The following FNBP1L variants were observed in gnomAD, a reference collection of about 807,000 sequenced individuals.
FNBP1L encodes formin binding protein 1 like.
In FNBP1L, 36 loss-of-function variants were observed where a neutral mutation model predicts 91.2. The observed-to-expected ratio is 0.39, with a 90% CI of 0.30 to 0.52. The LOEUF (loss-of-function observed/expected upper bound fraction) is 0.52. Ranked by LOEUF, FNBP1L falls within the 20% of genes least tolerant of loss-of-function variation. FNBP1L has a pLI of 0.66. For missense variants in FNBP1L, 571 were observed against 732.1 expected (o/e 0.78, Z 2.54); for synonymous variants, 242 against 237.0 (o/e 1.02, Z -0.19).
rs531504695 is a variant in FNBP1L at position 93,551,785 on chromosome 1, A to G, written c.1811-624A>G. The G allele has an allele frequency of 8.1e-6, 8 of 985,438 alleles. No individual in the cohort carries two copies. In the South Asian group the frequency reaches 3.3e-4, roughly 41 times the overall value. The allele number at this position is 985,438 out of a possible 1,614,324, so 61.0% of individuals were successfully genotyped here. On this transcript the variant is annotated intron_variant, in intron 16 of 16. Coordinates refer to ENST00000271234, the MANE Select transcript of FNBP1L (RefSeq NM_001164473.3). Reference sequence around the variant, plus strand: ...AAAATAGATTTTGTTTGAGACCTCAAAATATTTTGAGGTTAGCTGGTAATT... The same window carrying G: ...AAAATAGATTTTGTTTGAGACCTCAGAATATTTTGAGGTTAGCTGGTAATT...
chr1:93,523,200 C>T lies in FNBP1L; in HGVS notation c.195-144C>T, dbSNP rs947900853. On this transcript the variant is annotated intron_variant, in intron 3 of 16. Transcript: ENST00000271234. ...CTTGAGCTTAATGCAGGATTTTTTT[C>T]CATATGAAGTTAATTTAGAACTAGT... is the stretch of plus-strand genomic sequence containing the variant. 7 of 701,380 alleles carry T rather than the reference C, an allele frequency of 1.0e-5. No individual in the cohort carries two copies. The African/African-American group carries it at 1.1e-4, about 11-fold the overall frequency. 43.4% of individuals were successfully genotyped at this position (701,380 alleles called of 1,614,324 possible).
intron 3 of FNBP1L, among the ~76,000 whole-genome samples, 200 bp downstream of exon 3, chr1:93,522,335 A>G (rs573182474): frequency 9.2e-5 from 14 of 152,270 alleles, no homozygotes; most frequent in African/African-American, 2.2e-4. Flanking sequence ...ACAGTTTTCT[A>G]GAATAGTCAG....
At chr1:93,546,627 T>C (rs1672248531) in intron 12 of FNBP1L, among the ~76,000 whole-genome samples, 1 of 152,140 alleles carries the variant, frequency 6.6e-6, no homozygotes, top group Non-Finnish European at 1.5e-5. Context: ...AACTCTGTTC[T>C]CTTTTGGTAT....
chr1:93,529,245 A>G (rs1449196903), intron 5 of FNBP1L, among the ~76,000 whole-genome samples: 1 of 152,150 alleles, frequency 6.6e-6, no homozygotes, highest in Non-Finnish European at 1.5e-5. Flanking sequence ...AGTGAGATAT[A>G]TAATAAATAT....
At chr1:93,507,797 C>T (rs1271859445) in intron 2 of FNBP1L, among the ~76,000 whole-genome samples, 1 of 151,906 alleles carries the variant, frequency 6.6e-6, no homozygotes, top group Non-Finnish European at 1.5e-5. Flanking sequence ...TATAGGTGTA[C>T]ACCACCGCAT....
At chr1:93,472,530 C>T (rs966882892) in intron 1 of FNBP1L, among the ~76,000 whole-genome samples, 4 of 151,578 alleles carry the variant, frequency 2.6e-5, no homozygotes, top group East Asian at 3.9e-4. Context: ...AAAAAATCCT[C>T]GGCCGGGCGT....
rs760004918 is a variant in FNBP1L at position 93,552,143 on chromosome 1, CGTT to C, written c.1811-261_1811-259del. The C allele has an allele frequency of 1.1e-3, 1,286 of 1,202,046 alleles. 2 individuals carry two copies. Among genetic ancestry groups the C allele is most frequent in the Non-Finnish European group, 1.2e-3 (1,206 of 969,378 alleles). The allele number at this position is 1,202,046 out of a possible 1,614,324, so 74.5% of individuals were successfully genotyped here. ...AATTTTTCCAATTAGTTTCAGCAAG[CGTT>C]GTTGGAAACACTGTGCAGTCAAGGA... On this transcript the variant is annotated intron_variant, in intron 16 of 16. Coordinates refer to ENST00000271234, the MANE Select transcript of FNBP1L (RefSeq NM_001164473.3).
At chr1:93,470,613 C>CT (rs1401431360) in intron 1 of FNBP1L, among the ~76,000 whole-genome samples, 1 of 152,064 alleles carries the variant, frequency 6.6e-6, no homozygotes, top group Non-Finnish European at 1.5e-5. Flanking sequence ...TGGCTCAGAC[C>CT]TGTAATCCTA....
rs1672445904 is a variant in FNBP1L at position 93,552,520 on chromosome 1, A to T, written c.*104A>T. The T allele has an allele frequency of 7.7e-7, 1 of 1,298,380 alleles. No individual in the cohort carries two copies. Among genetic ancestry groups the T allele is most frequent in the Non-Finnish European group, 1.1e-6 (1 of 935,884 alleles). The allele number at this position is 1,298,380 out of a possible 1,614,324, so 80.4% of individuals were successfully genotyped here. A position where few individuals can be genotyped will look rare whatever the true frequency, so the allele number is the denominator to read the frequency against. ...CAGGCTCAAAGAGAGTGAGAGAAGC[A>T]AGTTGCATGAGTGCATGCAGACATG... On this transcript the variant is annotated 3_prime_UTR_variant, in exon 17 of 17. Coordinates refer to ENST00000271234, the MANE Select transcript of FNBP1L (RefSeq NM_001164473.3).
intron 10 of FNBP1L, among the ~76,000 whole-genome samples, chr1:93,538,377 A>G (rs1557817432): frequency 2.0e-5 from 3 of 152,060 alleles, no homozygotes; most frequent in Non-Finnish European, 2.9e-5. Flanking sequence ...GTAAGATAGC[A>G]TAAGTTATTT....
intron 2 of FNBP1L, among the ~76,000 whole-genome samples, chr1:93,520,657 C>G (rs190597682): frequency 1.5e-4 from 23 of 152,166 alleles, no homozygotes; most frequent in African/African-American, 5.5e-4. Flanking sequence ...TCATTTATTT[C>G]TCGTAACTGT....
intron 1 of FNBP1L, among the ~76,000 whole-genome samples, chr1:93,471,042 G>A (rs2101697661): frequency 6.6e-6 from 1 of 152,172 alleles, no homozygotes; most frequent in South Asian, 2.1e-4. Context: ...TTTTAGTGAT[G>A]CAAAATTACA....
intron 15 of FNBP1L, among the ~76,000 whole-genome samples, chr1:93,549,861 T>A (rs1672352190): frequency 6.6e-6 from 1 of 152,084 alleles, no homozygotes; most frequent in Non-Finnish European, 1.5e-5. Context: ...AATGCCATCA[T>A]CATATACTGA....
At chr1:93,549,219 T>C (rs1672328725) in intron 14 of FNBP1L, 59 bp from the exon 15 acceptor site, 5 of 1,371,302 alleles carry the variant, frequency 3.6e-6, no homozygotes, top group Non-Finnish European at 5.0e-6. Context: ...AATTTATAAA[T>C]AATATATAGA....
chr1:93,475,384 T>C (rs1242121425), intron 1 of FNBP1L, among the ~76,000 whole-genome samples: 1 of 151,818 alleles, frequency 6.6e-6, no homozygotes, highest in Non-Finnish European at 1.5e-5. Context: ...TCTAAAAAAA[T>C]ACAAAAAAAT....
At chr1:93,542,838 C>T (rs745684114) in intron 11 of FNBP1L, among the ~76,000 whole-genome samples, 12 of 141,020 alleles carry the variant, frequency 8.5e-5, no homozygotes, top group Non-Finnish European at 7.5e-5. Context: ...GCCTGGAGTG[C>T]AATGGCGCGA....
In FNBP1L at chr1:93,534,893, T is replaced by C; in HGVS notation, c.975T>C (p.Phe325=). ...VGKAKGKLWL[F]GKKPKPQSPP... ...AGGCCAAGGGCAAATTGTGGCTCTT[T>C]GGAAAGAAGCCAAAGGTAAAAGTCA... Residue 325 remains phenylalanine, a synonymous_variant, in exon 9 of 17, where the codon TTT becomes TTC. Coordinates refer to ENST00000271234, the MANE Select transcript of FNBP1L (RefSeq NM_001164473.3). 6.4e-7 allele frequency: 1 copy of C among 1,568,850 alleles called. No individual in the cohort carries two copies. Among genetic ancestry groups the C allele is most frequent in the South Asian group, 1.2e-5 (1 of 85,060 alleles).
At chr1:93,506,165 A>G (rs1670604825) in intron 2 of FNBP1L, among the ~76,000 whole-genome samples, 1 of 152,220 alleles carries the variant, frequency 6.6e-6, no homozygotes, top group Non-Finnish European at 1.5e-5. Context: ...TGGAATAGTC[A>G]TACTGCTAGA....
Position 93,546,735 on chromosome 1 carries a change from T to C in FNBP1L, c.1275-107T>C, listed in dbSNP as rs1435540490. Reference sequence around the variant, plus strand: ...TTAGACAAACTTAAAAAGATGTGACTCTACTTAAGATTAAGCTGCGTACGA... The same window carrying C: ...TTAGACAAACTTAAAAAGATGTGACCCTACTTAAGATTAAGCTGCGTACGA... On this transcript the variant is annotated intron_variant, in intron 12 of 16. Transcript: ENST00000271234. 3.4e-6 allele frequency: 4 copies of C among 1,186,448 alleles called. No homozygotes were observed. In the Middle Eastern group the frequency reaches 7.0e-4, roughly 208 times the overall value. The allele number at this position is 1,186,448 out of a possible 1,614,324, so 73.5% of individuals were successfully genotyped here.
Sources: allele counts gnomAD v4.1 joint callset (sites outside exome capture counted in the v4.1 genomes callset), GRCh38; gene constraint gnomAD v4.1.1; transcripts MANE v1.5; gene names NCBI Gene and HGNC (gene_info 2026-07-23, HGNC 2026-07-21).